The following CPSF7 variants were observed in gnomAD, a reference collection of about 807,000 sequenced individuals.
The protein encoded by CPSF7 is cleavage and polyadenylation specific factor 7, also known as cleavage and polyadenylation specificity factor subunit 7.
CPSF7 carries 1 observed loss-of-function variant against 44.3 expected under a neutral mutation model. The ratio of observed to expected loss-of-function variants is 0.02; its 90% CI spans 0.01 to 0.11. The LOEUF is 0.11. Among genes scored for constraint, CPSF7 ranks in the 10% least tolerant of loss-of-function variants. The pLI is 1.00. For missense variants in CPSF7, 443 were observed against 607.2 expected (o/e 0.73, Z 2.84); for synonymous variants, 202 against 222.0 (o/e 0.91, Z 0.80).
At chr11:61,429,102 G>A (rs1861676924) in intron 2 of CPSF7, 80 bp downstream of exon 2, 6 of 869,980 alleles carry the variant, frequency 6.9e-6, no homozygotes, top group Non-Finnish European at 1.2e-5. Flanking sequence ...GACTGGTACA[G>A]CTTGAAACCA....
intron 3 of CPSF7, chr11:61,421,161 T>A (rs538900663): frequency 1.4e-6 from 2 of 1,408,828 alleles, no homozygotes; most frequent in Non-Finnish European, 1.9e-6. Flanking sequence ...TCAGGGGCAG[T>A]AACAAGATGG....
At chr11:61,404,828 CAG>C (rs1288581035) in intron 9 of CPSF7, 124 bp from the exon 10 acceptor site, 4 of 152,128 alleles carry the variant, frequency 2.6e-5, no homozygotes, top group African/African-American at 9.7e-5. Flanking sequence ...GGAATGCAGA[CAG>C]AGAATGCAAG....
intron 2 of CPSF7, among the ~76,000 whole-genome samples, 162 bp from the exon 3 acceptor site, chr11:61,421,770 T>G (rs1860900689): frequency 6.6e-6 from 1 of 152,234 alleles, no homozygotes; most frequent in South Asian, 2.1e-4. Context: ...CTTTTGAAAC[T>G]GTATCACTTA....
At chr11:61,415,888 C>G in intron 6 of CPSF7, 104 bp from the exon 7 acceptor site, 1 of 918,136 alleles carries the variant, frequency 1.1e-6, no homozygotes, top group Non-Finnish European at 1.7e-6. Flanking sequence ...CAATGCTAGA[C>G]ATCTGTAGCA....
intron 2 of CPSF7, among the ~76,000 whole-genome samples, chr11:61,424,602 AC>A (rs1404857296): frequency 1.3e-5 from 2 of 152,102 alleles, no homozygotes; most frequent in Non-Finnish European, 2.9e-5. Flanking sequence ...ACAGGTGTGC[AC>A]CACCACACCC....
chr11:61,429,038 A>T (rs1000099610), intron 2 of CPSF7, 144 bp downstream of exon 2: 3 of 553,002 alleles, frequency 5.4e-6, no homozygotes, highest in Non-Finnish European at 9.9e-6. Flanking sequence ...TGTAGTCTTT[A>T]AAGTTTCTGC....
In CPSF7 at chr11:61,429,962, G is replaced by T. The variant is rs1861812484; in HGVS notation, c.-104C>A. The T allele has an allele frequency of 7.6e-7, 1 of 1,315,838 alleles. No individual in the cohort carries two copies. Among genetic ancestry groups the T allele is most frequent in the South Asian group, 1.4e-5 (1 of 70,358 alleles). 81.5% of individuals were successfully genotyped at this position (1,315,838 alleles called of 1,614,324 possible). A position where few individuals can be genotyped will look rare whatever the true frequency, so the allele number is the denominator to read the frequency against. On this transcript the variant is annotated 5_prime_UTR_variant, in exon 1 of 10. Coordinates refer to ENST00000439958, the MANE Select transcript of CPSF7 (RefSeq NM_001142565.3). Reference sequence around the variant, plus strand: ...CGAGTCCGGACTAGGCCCGAAGCGCGCGAACCGCTCTCCGCCCCAGGTCCC... The same window carrying T: ...CGAGTCCGGACTAGGCCCGAAGCGCTCGAACCGCTCTCCGCCCCAGGTCCC...
intron 8 of CPSF7, 117 bp downstream of exon 8, chr11:61,411,652 C>T (rs1347084867): frequency 2.8e-5 from 23 of 832,104 alleles, no homozygotes; most frequent in East Asian, 7.8e-5. Context: ...TGAAGGCTAA[C>T]GTCCAGACTT....
At chr11:61,405,269 T>A (rs1859203318) in intron 9 of CPSF7, among the ~76,000 whole-genome samples, 1 of 152,208 alleles carries the variant, frequency 6.6e-6, no homozygotes, top group Admixed American at 6.5e-5. Context: ...TTCTTTTTTC[T>A]TTTTAAAGGA....
At chr11:61,425,327 C>T (rs562395852) in intron 2 of CPSF7, among the ~76,000 whole-genome samples, 3 of 152,264 alleles carry the variant, frequency 2.0e-5, no homozygotes, top group Admixed American at 6.5e-5. Flanking sequence ...CGGATTTATG[C>T]AGTAATAGAT....
At chr11:61,406,501 T>C (rs1859334281) in intron 9 of CPSF7, among the ~76,000 whole-genome samples, 1 of 152,184 alleles carries the variant, frequency 6.6e-6, no homozygotes, top group Non-Finnish European at 1.5e-5. Context: ...AAATTGACAT[T>C]CTTGGGGTGC....
chr11:61,406,969 T>C (rs530182099), intron 9 of CPSF7, among the ~76,000 whole-genome samples: 1 of 152,110 alleles, frequency 6.6e-6, no homozygotes, highest in Non-Finnish European at 1.5e-5. Context: ...TAGAGACGAG[T>C]GTTTTGCCAT....
rs765579500 is a variant in CPSF7, at chr11:61,411,794, C to T, written c.1201G>A (p.Val401Met). The T allele has an allele frequency of 1.2e-6, 2 of 1,613,204 alleles. No individual in the cohort carries two copies. Among genetic ancestry groups the T allele is most frequent in the Admixed American group, 1.7e-5 (1 of 60,020 alleles). ...LHGIEAKSYS[V>M]GASGSSSRKR... ...CTGGAAGAGCTCCCACTGGCACCCA[C>T]ACTGTAGGACTTGGCTTCGATGCCA... Residue 401 changes from valine to methionine, a missense_variant, in exon 8 of 10, where the codon GTG becomes ATG. Val to Met is a conservative substitution (Grantham distance 21, BLOSUM62 1). Transcript: ENST00000439958.
chr11:61,409,213 C>T (rs1274210459), intron 9 of CPSF7, among the ~76,000 whole-genome samples: 1 of 151,822 alleles, frequency 6.6e-6, no homozygotes. Context: ...GTGGCTCACG[C>T]CTGTAATCCC....
intron 2 of CPSF7, among the ~76,000 whole-genome samples, chr11:61,425,540 T>C (rs1383246110): frequency 6.6e-6 from 1 of 152,142 alleles, no homozygotes; most frequent in Non-Finnish European, 1.5e-5. Flanking sequence ...AAAGAGAACA[T>C]GTGTGATTTT....
chr11:61,417,600 T>C (rs924646461), intron 5 of CPSF7, among the ~76,000 whole-genome samples: 3 of 152,324 alleles, frequency 2.0e-5, no homozygotes, highest in Middle Eastern at 6.8e-3. Flanking sequence ...TAAGGTGGAA[T>C]CAATTATGTT....
intron 5 of CPSF7, among the ~76,000 whole-genome samples, chr11:61,419,740 T>C (rs922066124): frequency 6.6e-6 from 1 of 152,148 alleles, no homozygotes; most frequent in African/African-American, 2.4e-5. Flanking sequence ...CTGAACCTAC[T>C]TGACTCCCAG....
intron 5 of CPSF7, among the ~76,000 whole-genome samples, chr11:61,418,489 T>C (rs776049352): frequency 1.3e-5 from 2 of 152,162 alleles, no homozygotes; most frequent in Non-Finnish European, 2.9e-5. Flanking sequence ...AAGAGACTGA[T>C]TCATAAACCA....
intron 7 of CPSF7, among the ~76,000 whole-genome samples, chr11:61,413,127 G>A (rs767718531): frequency 1.1e-4 from 17 of 152,008 alleles, no homozygotes. Flanking sequence ...GTCTCACTAT[G>A]TTGACCAGGC....
Sources: allele counts gnomAD v4.1 joint callset (sites outside exome capture counted in the v4.1 genomes callset), GRCh38; gene constraint gnomAD v4.1.1; transcripts MANE v1.5; gene names NCBI Gene and HGNC (gene_info 2026-07-23, HGNC 2026-07-21).